The following PGLYRP4 variants were observed in gnomAD, a reference collection of about 807,000 sequenced individuals.
PGLYRP4 encodes peptidoglycan recognition protein 4.
A neutral mutation model predicts 41.2 loss-of-function variants in PGLYRP4; 39 were observed. The ratio of observed to expected loss-of-function variants is 0.95; its 90% confidence interval spans 0.73 to 1.24. The LOEUF (loss-of-function observed/expected upper bound fraction) is 1.24. PGLYRP4 is among the 50% of genes most tolerant of loss of function. The probability of loss-of-function intolerance (pLI) is 0.00; values close to 1 mark genes in which losing one functional copy is unlikely to be tolerated. For missense variants in PGLYRP4, 467 were observed against 460.7 expected, an observed-to-expected ratio of 1.01 and a Z score of -0.13; for synonymous variants, 202 against 186.8, an observed-to-expected ratio of 1.08 and a Z score of -0.66.
intron 8 of PGLYRP4, among the ~76,000 whole-genome samples, chr1:153,336,369 CAAAAAAAAAA>C (rs58665160): frequency 6.5e-5 from 5 of 76,502 alleles, no homozygotes; most frequent in African/African-American, 1.7e-4. Flanking sequence ...GACTCCATCT[CAAAAAAAAAA>C]AAAAAAAAAA....
chr1:153,346,802 A>C (rs1311153234), intron 2 of PGLYRP4, among the ~76,000 whole-genome samples: 1 of 152,142 alleles, frequency 6.6e-6, no homozygotes, highest in Non-Finnish European at 1.5e-5. Context: ...GCTCCTGTTT[A>C]TTTGCTTTTA....
chr1:153,341,898 C>T (rs1660819031), intron 5 of PGLYRP4, 119 bp from the exon 6 acceptor site: 3 of 887,264 alleles, frequency 3.4e-6, no homozygotes, highest in Non-Finnish European at 1.7e-6. Flanking sequence ...GAAAAGGGAA[C>T]AGGTTATGCC....
chr1:153,345,233 G>T lies in PGLYRP4; in HGVS notation c.289C>A (p.Gln97Lys). 6.2e-7 allele frequency: 1 copy of T among 1,614,112 alleles called. No homozygotes were observed. The highest frequency in any genetic ancestry group is 1.7e-5 in the Admixed American group (1 of 60,032). The change falls in exon 4 of 9, where the codon CAG becomes AAG. Residue 97 changes from glutamine (Q) to lysine (K), a missense_variant. By Grantham distance (53) the Gln-to-Lys change is moderately conservative (BLOSUM62 1). Transcript: ENST00000359650. ...TGGGCCTGCAGTTCCCGCAGTCTCT[G>T]GCTGCAGACTGTCTGGTCGTGACAC... is the stretch of plus-strand genomic sequence containing the variant. Reference protein sequence around the residue: ...LECHDQTVCSQRLRELQAHHV... With the variant: ...LECHDQTVCSKRLRELQAHHV...
intron 3 of PGLYRP4, 37 bp downstream of exon 3, chr1:153,346,065 C>G: frequency 1.4e-6 from 2 of 1,458,430 alleles, no homozygotes; most frequent in Non-Finnish European, 1.9e-6. Flanking sequence ...AACCCCAGCT[C>G]GTCCCAAAAC....
At chr1:153,335,810 T>C (rs984067589) in intron 8 of PGLYRP4, among the ~76,000 whole-genome samples, 2 of 152,142 alleles carry the variant, frequency 1.3e-5, no homozygotes, top group South Asian at 4.1e-4. Context: ...TTACACACTA[T>C]TGATGAGAAT....
chr1:153,337,839 T>C (rs918265921), intron 7 of PGLYRP4, among the ~76,000 whole-genome samples: 2 of 152,158 alleles, frequency 1.3e-5, no homozygotes, highest in Non-Finnish European at 2.9e-5. Flanking sequence ...TGACTTGATC[T>C]CTCTGTACAT....
At chr1:153,335,721 CTAAATAAATAAA>C (rs71584104) in intron 8 of PGLYRP4, among the ~76,000 whole-genome samples, 1 of 37,024 alleles carries the variant, frequency 2.7e-5, no homozygotes, top group Non-Finnish European at 6.1e-5. Flanking sequence ...AAGACTCTGT[CTAAATAAATAAA>C]TAAATAAATA....
In PGLYRP4 at chr1:153,337,165, CA is replaced by C. The variant is rs779643305; in HGVS notation, c.943+15del. ...AATACCATGCAATGACCCTACTGAC[CA>C]AAGCATCCACTTACCTGTGAAGGTG... On this transcript the variant is annotated intron_variant, in intron 8 of 8. Transcript: ENST00000359650. The C allele has an allele frequency of 1.3e-6, 2 of 1,530,436 alleles. No individual in the cohort carries two copies. Among genetic ancestry groups the C allele is most frequent in the Non-Finnish European group, 1.8e-6 (2 of 1,103,964 alleles). The allele number at this position is 1,530,436 out of a possible 1,614,324, so 94.8% of individuals were successfully genotyped here.
intron 6 of PGLYRP4, among the ~76,000 whole-genome samples, 175 bp downstream of exon 6, chr1:153,341,452 C>T (rs898909122): frequency 1.3e-5 from 2 of 152,192 alleles, no homozygotes; most frequent in African/African-American, 4.8e-5. Context: ...AAAGAGGTGG[C>T]CTGGAGGTTT....
intron 3 of PGLYRP4, among the ~76,000 whole-genome samples, chr1:153,345,609 TC>T (rs1266862056): frequency 6.6e-6 from 1 of 152,110 alleles, no homozygotes; most frequent in African/African-American, 2.4e-5. Flanking sequence ...TCCCATAATG[TC>T]CCCTACTCAT....
At chr1:153,338,991 A>G (rs973843481) in intron 7 of PGLYRP4, among the ~76,000 whole-genome samples, 2 of 152,256 alleles carry the variant, frequency 1.3e-5, no homozygotes, top group Non-Finnish European at 2.9e-5. Context: ...CACGCAGAGT[A>G]CACATTCAAT....
At chr1:153,336,596 G>C (rs1271219528) in intron 8 of PGLYRP4, among the ~76,000 whole-genome samples, 3 of 152,102 alleles carry the variant, frequency 2.0e-5, no homozygotes, top group Non-Finnish European at 4.4e-5. Context: ...GAAGGTGAGA[G>C]CAGGATTAGG....
chr1:153,338,160 C>T lies in PGLYRP4; in HGVS notation c.825-861G>A, dbSNP rs559037420. Among the ~76,000 whole-genome samples, 3 of 152,314 alleles carry T rather than the reference C, an allele frequency of 2.0e-5. No individual in the cohort carries two copies. In the South Asian group the frequency reaches 6.2e-4, roughly 32 times the overall value. On this transcript the variant is annotated intron_variant, in intron 7 of 8. Transcript: ENST00000359650. ...TCCCCATCTTGGTGAAAGGCATGGT[C>T]ACCCACCCACCCATTGGCCCCAGCC...
rs1029766968 is a variant in PGLYRP4, at chr1:153,330,854, C to T, written c.1035G>A (p.Leu345=). 1.2e-6 allele frequency: 2 copies of T among 1,613,916 alleles called. No homozygotes were observed. Among genetic ancestry groups the T allele is most frequent in the Non-Finnish European group, 8.5e-7 (1 of 1,179,950 alleles). Residue 345 remains leucine (L), a synonymous_variant, in exon 9 of 9, where the codon CTG becomes CTA. Coordinates refer to ENST00000359650, the MANE Select transcript of PGLYRP4 (RefSeq NM_020393.4). ...TTCGGGCCACATCACTGTGGCCCAC[C>T]AGCAGGTAGTTGGGAGTCAGGTACC... ...VKGYLTPNYL[L]VGHSDVARTL...
intron 4 of PGLYRP4, 70 bp downstream of exon 4, chr1:153,345,099 A>G: frequency 8.6e-7 from 1 of 1,162,514 alleles, no homozygotes; most frequent in Non-Finnish European, 1.3e-6. Context: ...AAGGGATGAG[A>G]AGGGACAGGA....
At position 153,345,403 on chromosome 1, in the gene PGLYRP4, C is replaced by T. The variant is rs773028798; in HGVS notation, c.140-21G>A. ...AAGGCCTTGGGGACGTCACTCAGCG[C>T]ACCTGCCCCATCACTACCGCATTAG... On this transcript the variant is annotated intron_variant, in intron 3 of 8. Transcript: ENST00000359650. 8.1e-6 allele frequency: 13 copies of T among 1,603,424 alleles called. No individual in the cohort carries two copies. In the South Asian group the frequency reaches 9.9e-5, roughly 12 times the overall value.
rs939878538 is a variant in PGLYRP4 at position 153,341,148 on chromosome 1, T to G, written c.625+479A>C. Among the ~76,000 whole-genome samples the G allele has an allele frequency of 5.9e-5, 9 of 152,214 alleles. No homozygotes were observed. In the East Asian group the frequency reaches 7.7e-4, roughly 13 times the overall value. On this transcript the variant is annotated intron_variant, in intron 6 of 8. Coordinates refer to ENST00000359650, the MANE Select transcript of PGLYRP4 (RefSeq NM_020393.4). Reference sequence around the variant, plus strand: ...GTTTGTGTGTGTTCATGTGTAAACATATGAGTGTATAAATATGTGTATAAA... The same window carrying G: ...GTTTGTGTGTGTTCATGTGTAAACAGATGAGTGTATAAATATGTGTATAAA...
chr1:153,340,402 T>C lies in PGLYRP4; in HGVS notation c.803A>G (p.Lys268Arg). 1.2e-6 allele frequency: 2 copies of C among 1,614,194 alleles called. No individual in the cohort carries two copies. Among genetic ancestry groups the C allele is most frequent in the Non-Finnish European group, 1.7e-6 (2 of 1,180,030 alleles). ...TCACTTATAACCAATGTCGCATGACTTGAGCCTGTCTATGTAGAAAGACTG... is the reference window on the plus strand; with the variant it reads ...TCACTTATAACCAATGTCGCATGACCTGAGCCTGTCTATGTAGAAAGACTG... ...DIQSFYIDRL[K>R]SCDIGYNFLV... Residue 268 changes from lysine (K) to arginine (R), a missense_variant, in exon 7 of 9, where the codon AAG becomes AGG. Lys to Arg is a conservative substitution (Grantham distance 26). Coordinates refer to ENST00000359650, the MANE Select transcript of PGLYRP4 (RefSeq NM_020393.4).
chr1:153,334,909 A>G (rs1312105039), intron 8 of PGLYRP4, among the ~76,000 whole-genome samples: 1 of 152,188 alleles, frequency 6.6e-6, no homozygotes, highest in Non-Finnish European at 1.5e-5. Context: ...ACATAGCTAC[A>G]CACAACTGAT....
Sources: allele counts gnomAD v4.1 joint callset (sites outside exome capture counted in the v4.1 genomes callset), GRCh38; gene constraint gnomAD v4.1.1; transcripts MANE v1.5; gene names NCBI Gene and HGNC (gene_info 2026-07-23, HGNC 2026-07-21).